SDCCAG8: variants seen among roughly 807,000 people sequenced by gnomAD.
SDCCAG8 encodes SHH signaling and ciliogenesis regulator SDCCAG8.
SDCCAG8 carries 74 observed loss-of-function variants against 101.8 expected under a neutral mutation model. That is an observed-to-expected ratio of 0.73 (90% confidence interval 0.60 to 0.88). The LOEUF (loss-of-function observed/expected upper bound fraction) is 0.88, where lower values mean the gene tolerates loss of function less well. Among genes scored for constraint, SDCCAG8 ranks in the 40% least tolerant of loss-of-function variants. The probability of loss-of-function intolerance (pLI) is 0.00; values close to 1 mark genes in which losing one functional copy is unlikely to be tolerated. For missense variants in SDCCAG8, 787 were observed against 822.6 expected (o/e 0.96, Z 0.53); for synonymous variants, 281 against 292.9 (o/e 0.96, Z 0.41).
At chr1:243,266,944 A>AC (rs2067653445) in intron 1 of SDCCAG8, among the ~76,000 whole-genome samples, 1 of 6,862 alleles carries the variant, frequency 1.5e-4, no homozygotes, top group Non-Finnish European at 6.6e-4. Context: ...ACTTCGTCTC[A>AC]AAAAAAAAAA....
At chr1:243,447,228 G>GACAGAACA (rs1379638552) in intron 16 of SDCCAG8, among the ~76,000 whole-genome samples, 1 of 94,142 alleles carries the variant, frequency 1.1e-5, no homozygotes, top group Non-Finnish European at 1.9e-5. Flanking sequence ...CAGCCTGGGT[G>GACAGAACA]ACAGAACAAG....
chr1:243,324,808 T>C (rs868721282), intron 9 of SDCCAG8, among the ~76,000 whole-genome samples: 3 of 152,226 alleles, frequency 2.0e-5, no homozygotes, highest in South Asian at 2.1e-4. Flanking sequence ...AAGACAAATC[T>C]GGCCCCATTC....
At chr1:243,274,991 T>C (rs1369835589) in intron 4 of SDCCAG8, among the ~76,000 whole-genome samples, 2 of 152,360 alleles carry the variant, frequency 1.3e-5, no homozygotes, top group East Asian at 3.9e-4. Flanking sequence ...ATACCAATCA[T>C]TCTCCCATAC....
In SDCCAG8 at chr1:243,413,505, C is replaced by CT. The variant is rs372861109; in HGVS notation, c.1617-2196dup. Reference sequence around the variant, plus strand: ...ACAGATGTGAGCCACCGTGCCTGACCTATAGTCAATTTAGAATATCAGTAA... The same window carrying CT: ...ACAGATGTGAGCCACCGTGCCTGACCTTATAGTCAATTTAGAATATCAGTAA... On this transcript the variant is annotated intron_variant, in intron 13 of 17. Coordinates refer to ENST00000366541, the MANE Select transcript of SDCCAG8 (RefSeq NM_006642.5). Among the ~76,000 whole-genome samples the CT allele has an allele frequency of 1.0e-3, 156 of 152,294 alleles. 1 individual carries two copies. Among genetic ancestry groups the CT allele is most frequent in the African/African-American group, 3.4e-3 (142 of 41,552 alleles).
chr1:243,409,659 C>T (rs1167267953), intron 13 of SDCCAG8, among the ~76,000 whole-genome samples: 2 of 152,076 alleles, frequency 1.3e-5, no homozygotes, highest in Non-Finnish European at 1.5e-5. Flanking sequence ...AGACATGTCA[C>T]GTAGGAACCA....
intron 15 of SDCCAG8, among the ~76,000 whole-genome samples, chr1:243,420,053 A>G (rs1481527581): frequency 6.6e-6 from 1 of 152,228 alleles, no homozygotes; most frequent in Non-Finnish European, 1.5e-5. Flanking sequence ...TGAAACAAAT[A>G]GGTGTGGTGC....
At chr1:243,392,867 A>G (rs1275794438) in intron 13 of SDCCAG8, among the ~76,000 whole-genome samples, 3 of 152,250 alleles carry the variant, frequency 2.0e-5, no homozygotes, top group Admixed American at 6.5e-5. Context: ...GAGGGATGCC[A>G]GCAAATAAAC....
At chr1:243,346,732 A>G (rs1023912869) in intron 12 of SDCCAG8, among the ~76,000 whole-genome samples, 5 of 152,156 alleles carry the variant, frequency 3.3e-5, no homozygotes, top group African/African-American at 1.2e-4. Context: ...ACTCCTTTGT[A>G]TCTCTTCAGC....
intron 16 of SDCCAG8, among the ~76,000 whole-genome samples, chr1:243,484,271 C>A (rs941855090): frequency 6.6e-6 from 1 of 152,268 alleles, no homozygotes; most frequent in Admixed American, 6.5e-5. Context: ...AGCCACACTG[C>A]ACAGCTTGCA....
chr1:243,473,940 C>A (rs866637087), intron 16 of SDCCAG8, among the ~76,000 whole-genome samples: 1 of 50,462 alleles, frequency 2.0e-5, no homozygotes, highest in Non-Finnish European at 3.7e-5. Context: ...GGGGGGGGGG[C>A]CGGGGGAGTA....
chr1:243,424,164 T>C (rs1216971105), intron 15 of SDCCAG8, among the ~76,000 whole-genome samples: 1 of 152,130 alleles, frequency 6.6e-6, no homozygotes, highest in Non-Finnish European at 1.5e-5. Context: ...TTAATGTTTG[T>C]CTTATTTTTG....
chr1:243,334,603 T>A lies in SDCCAG8; in HGVS notation c.1221+3911T>A, dbSNP rs140893956. On this transcript the variant is annotated intron_variant, in intron 10 of 17. Coordinates refer to ENST00000366541, the MANE Select transcript of SDCCAG8 (RefSeq NM_006642.5). ...AGAGTTGTTTGTTTGTTTGTTTGTTTGTATTTGAGACAGGGTCTCACTCTG... is the reference window on the plus strand; with the variant it reads ...AGAGTTGTTTGTTTGTTTGTTTGTTAGTATTTGAGACAGGGTCTCACTCTG... 2.6e-4 allele frequency among the ~76,000 whole-genome samples: 40 copies of A among 152,228 alleles called. 1 individual carries two copies. The East Asian group carries it at 7.3e-3, about 28-fold the overall frequency.
chr1:243,401,114 T>C (rs2079368965), intron 13 of SDCCAG8, among the ~76,000 whole-genome samples: 1 of 152,206 alleles, frequency 6.6e-6, no homozygotes. Context: ...TAAATAACCA[T>C]CTTGTAATGA....
intron 16 of SDCCAG8, among the ~76,000 whole-genome samples, chr1:243,472,946 C>T (rs1017707961): frequency 6.6e-6 from 1 of 152,178 alleles, no homozygotes; most frequent in Non-Finnish European, 1.5e-5. Flanking sequence ...TACTATTTCT[C>T]CTGTGTCAAT....
At chr1:243,414,845 A>ATGTGTG (rs35826806) in intron 13 of SDCCAG8, among the ~76,000 whole-genome samples, 3,757 of 148,922 alleles carry the variant, frequency 0.025, 64 homozygotes, top group East Asian at 0.08. Context: ...CCATTCTAAT[A>ATGTGTG]TGTGTGTGTG....
At chr1:243,318,118 T>C (rs2073423677) in intron 9 of SDCCAG8, 4 of 455,574 alleles carry the variant, frequency 8.8e-6, no homozygotes, top group South Asian at 6.2e-5. Flanking sequence ...TGTTCATCAC[T>C]GACAGATTGT....
At chr1:243,279,599 C>T (rs370581888) in intron 4 of SDCCAG8, among the ~76,000 whole-genome samples, 17 of 152,212 alleles carry the variant, frequency 1.1e-4, no homozygotes, top group East Asian at 3.8e-4. Flanking sequence ...CAGGGACCAT[C>T]TGTGTTTATC....
intron 8 of SDCCAG8, among the ~76,000 whole-genome samples, chr1:243,316,309 A>T (rs927374431): frequency 1.3e-5 from 2 of 152,218 alleles, no homozygotes; most frequent in Non-Finnish European, 2.9e-5. Context: ...ATAAAAAGGA[A>T]AGGACATATA....
At chr1:243,413,772 G>C (rs542164081) in intron 13 of SDCCAG8, among the ~76,000 whole-genome samples, 1 of 152,214 alleles carries the variant, frequency 6.6e-6, no homozygotes, top group East Asian at 1.9e-4. Flanking sequence ...CAGGGGGTCT[G>C]ACTTGGGGAT....
Sources: allele counts gnomAD v4.1 joint callset (sites outside exome capture counted in the v4.1 genomes callset), GRCh38; gene constraint gnomAD v4.1.1; transcripts MANE v1.5; gene names NCBI Gene and HGNC (gene_info 2026-07-23, HGNC 2026-07-21).